The following MYH4 variants were observed in gnomAD, a reference collection of about 807,000 sequenced individuals.
The protein encoded by MYH4 is myosin heavy chain 4, also known as myosin-4.
MYH4 carries 200 observed loss-of-function variants against 229.9 expected under a neutral mutation model. The ratio of observed to expected loss-of-function variants is 0.87; its 90% confidence interval spans 0.78 to 0.98. The LOEUF (loss-of-function observed/expected upper bound fraction) is 0.98. Ranked by LOEUF, MYH4 falls within the 50% of genes least tolerant of loss-of-function variation. MYH4 has a pLI of 0.00. For missense variants in MYH4, 2,148 were observed against 2,332.6 expected, an observed-to-expected ratio of 0.92 and a Z score of 1.63; for synonymous variants, 761 against 834.6, an observed-to-expected ratio of 0.91 and a Z score of 1.52.
rs1353705470 is a variant in MYH4, at chr17:10,451,425, G to C, written c.3766C>G (p.Leu1256Val). 2 of 1,613,840 alleles carry C rather than the reference G, an allele frequency of 1.2e-6. No homozygotes were observed. Among genetic ancestry groups the C allele is most frequent in the South Asian group, 2.2e-5 (2 of 91,034 alleles). Reference sequence around the variant, plus strand: ...TTTATTTCACTAAGCTGGTCCTCTAGGGTGCGGCACATTTTCTCAAAGTTT... The same window carrying C: ...TTTATTTCACTAAGCTGGTCCTCTACGGTGCGGCACATTTTCTCAAAGTTT... ...KANFEKMCRT[L>V]EDQLSEIKTK... is the part of the protein sequence containing the mutation. The change falls in exon 28 of 40, where the codon CTA becomes GTA. Residue 1256 changes from leucine (L) to valine (V), a missense_variant. Coordinates refer to ENST00000255381, the MANE Select transcript of MYH4 (RefSeq NM_017533.2).
chr17:10,448,840 A>G (rs1344207038), intron 31 of MYH4, 24 bp downstream of exon 31: 1 of 1,613,174 alleles, frequency 6.2e-7, no homozygotes, highest in South Asian at 1.1e-5. Flanking sequence ...GTTTCCCCCA[A>G]GGGGAGCTGG....
chr17:10,466,611 C>T lies in MYH4; in HGVS notation c.135G>A (p.Glu45=). The T allele has an allele frequency of 1.2e-6, 2 of 1,614,078 alleles. No homozygotes were observed. The highest frequency in any genetic ancestry group is 1.7e-6 in the Non-Finnish European group (2 of 1,180,044). The change falls in exon 3 of 40, where the codon GAG becomes GAA. Residue 45 remains glutamate, a synonymous_variant. Coordinates refer to ENST00000255381, the MANE Select transcript of MYH4 (RefSeq NM_017533.2). ...KTSVFVVDPK[E]SYVKAIVQSR... ...TCTGCACTATTGCTTTCACGTAGGA[C>T]TCCTTAGGGTCCACCACAAAGACTG...
chr17:10,459,860 T>C (rs1167833351), intron 14 of MYH4, 92 bp downstream of exon 14: 45 of 1,603,486 alleles, frequency 2.8e-5, no homozygotes, highest in South Asian at 1.2e-4. Context: ...ATTACATTTG[T>C]ATATTTTGTA....
At chr17:10,447,741 C>A (rs1417868333) in intron 34 of MYH4, 77 bp downstream of exon 34, 8 of 1,364,874 alleles carry the variant, frequency 5.9e-6, no homozygotes, top group Middle Eastern at 2.6e-4. Flanking sequence ...GACACATAGT[C>A]CTCGTAAAAC....
At chr17:10,453,415 T>C in intron 23 of MYH4, 87 bp from the exon 24 acceptor site, 1 of 1,599,606 alleles carries the variant, frequency 6.3e-7, no homozygotes. Context: ...TAGGATAATG[T>C]CAGCGTAAGA....
Position 10,443,609 on chromosome 17 carries a change from C to T in MYH4, c.5668-82G>A. ...TTGCTTTTGTTACTTCAGGATTTGC[C>T]TCATGAATGAGAAAGAAAAAGGCTC... On this transcript the variant is annotated intron_variant, in intron 39 of 39. Transcript: ENST00000255381. This position sits in a 1 kb window ranked among gnomAD's most constrained non-coding sequence, Gnocchi z 4.6. 5.5e-6 allele frequency: 8 copies of T among 1,460,334 alleles called. No homozygotes were observed. Among genetic ancestry groups the T allele is most frequent in the South Asian group, 1.3e-5 (1 of 75,530 alleles). The allele number at this position is 1,460,334 out of a possible 1,614,324, so 90.5% of individuals were successfully genotyped here. A position where few individuals can be genotyped will look rare whatever the true frequency, so the allele number is the denominator to read the frequency against.
intron 30 of MYH4, among the ~76,000 whole-genome samples, chr17:10,449,291 A>T (rs976728957): frequency 2.0e-5 from 3 of 152,216 alleles, no homozygotes; most frequent in African/African-American, 7.2e-5. Context: ...TGTATGAGAG[A>T]AAGAGAATAT....
chr17:10,454,625 C>A lies in MYH4; in HGVS notation c.2621G>T (p.Arg874Met). 1 of 1,614,112 alleles carries A rather than the reference C, an allele frequency of 6.2e-7. No individual in the cohort carries two copies. The highest frequency in any genetic ancestry group is 8.5e-7 in the Non-Finnish European group (1 of 1,180,016). ...KEELAKTEAK[R>M]KELEEKMVTL... ...CACCATCTTTTCTTCTAGTTCTTTC[C>A]TTTTTGCCTCTGTCTTAGCCAGCTC... is the stretch of plus-strand genomic sequence containing the variant. Residue 874 changes from arginine (R) to methionine (M), a missense_variant, in exon 22 of 40, where the codon AGG becomes ATG. Coordinates refer to ENST00000255381, the MANE Select transcript of MYH4 (RefSeq NM_017533.2).
intron 12 of MYH4, 88 bp downstream of exon 12, chr17:10,460,828 G>A: frequency 7.0e-7 from 1 of 1,433,180 alleles, no homozygotes; most frequent in Non-Finnish European, 9.6e-7. Flanking sequence ...CACGAGCTAG[G>A]TCAGAGAAAG....
In MYH4 at chr17:10,466,316, A is replaced by C; in HGVS notation, c.305T>G (p.Val102Gly). 1 of 1,614,240 alleles carries C rather than the reference A, an allele frequency of 6.2e-7. No homozygotes were observed. The highest frequency in any genetic ancestry group is 8.5e-7 in the Non-Finnish European group (1 of 1,180,036). The stretch of plus-strand genomic sequence containing the variant: ...GTAACGCTCTTTGAGGTTATACAGC[A>C]CAGCAGGCTCATGCAGGTGAGTCAT... Reference protein sequence around the residue: ...AMMTHLHEPAVLYNLKERYAA... With the variant: ...AMMTHLHEPAGLYNLKERYAA... The change falls in exon 4 of 40, where the codon GTG (valine) becomes GGG (glycine). Residue 102 changes from valine to glycine, a missense_variant. Physicochemically the swap from Val to Gly is moderately radical, Grantham distance 109. Coordinates refer to ENST00000255381, the MANE Select transcript of MYH4 (RefSeq NM_017533.2).
chr17:10,468,834 C>A (rs139944058), intron 2 of MYH4, among the ~76,000 whole-genome samples: 5 of 152,270 alleles, frequency 3.3e-5, no homozygotes, highest in Admixed American at 6.5e-5. Context: ...AGTCCTGTTC[C>A]GCTAAATGCA....
Position 10,460,974 on chromosome 17 carries a change from C to T in MYH4, c.1089G>A (p.Gly363=), listed in dbSNP as rs778038969. 1.9e-6 allele frequency: 3 copies of T among 1,614,090 alleles called. No homozygotes were observed. In the Admixed American group the frequency reaches 5.0e-5, roughly 27 times the overall value. ...YKLTGAVMHY[G]NMKFKQKQRE... is the part of the protein sequence containing the mutation. ...TTTGCTTTTGCTTGAATTTCATGTT[C>T]CCATAATGCATCACGGCTCCAGTGA... Residue 363 remains glycine, a synonymous_variant, in exon 12 of 40, where the codon GGG becomes GGA. Transcript: ENST00000255381.
At position 10,447,993 on chromosome 17, in the gene MYH4, A is replaced by G. The variant is rs1567698645; in HGVS notation, c.4790T>C (p.Val1597Ala). ...CAGTGTACTCTGCATTGACTCCACA[A>G]CTCTGAGATGGTTCCTCTTTAGCTG... ...LDQLKRNHLR[V>A]VESMQSTLDA... is the part of the protein sequence containing the mutation. The change falls in exon 34 of 40, where the codon GTT becomes GCT. Residue 1597 changes from valine to alanine, a missense_variant. Physicochemically the swap from Val to Ala is moderately conservative, Grantham distance 64. Coordinates refer to ENST00000255381, the MANE Select transcript of MYH4 (RefSeq NM_017533.2). The G allele has an allele frequency of 1.2e-6, 2 of 1,613,498 alleles. No homozygotes were observed. The highest frequency in any genetic ancestry group is 1.7e-5 in the Admixed American group (1 of 59,946).
chr17:10,445,917 A>G (rs1454030887), intron 35 of MYH4, among the ~76,000 whole-genome samples: 1 of 148,934 alleles, frequency 6.7e-6, no homozygotes, highest in African/African-American at 2.5e-5. Context: ...AGTCCCAGCT[A>G]CTCGGGAGGC....
rs761867410 is a variant in MYH4, at chr17:10,463,397, T to A, written c.746A>T (p.Lys249Ile). ...VRNDNSSRFG[K>I]FIRIHFGATG... The stretch of plus-strand genomic sequence containing the variant: ...GGCACCAAAATGGATCCTGATGAAT[T>A]TACCCTTAAAAAAGAAAAGGAGGGA... Residue 249 changes from lysine (K) to isoleucine (I), a missense_variant, in exon 9 of 40, where the codon AAA becomes ATA. Transcript: ENST00000255381. 1 of 1,612,432 alleles carries A rather than the reference T, an allele frequency of 6.2e-7. No individual in the cohort carries two copies. Among genetic ancestry groups the A allele is most frequent in the Non-Finnish European group, 8.5e-7 (1 of 1,179,324 alleles).
intron 19 of MYH4, 47 bp downstream of exon 19, chr17:10,455,567 T>C (rs1248019466): frequency 1.9e-5 from 30 of 1,603,862 alleles, no homozygotes; most frequent in African/African-American, 4.0e-5. Flanking sequence ...ATATAGTGAT[T>C]TTGTGTAGAC....
At chr17:10,454,167 G>A (rs1020807163) in intron 22 of MYH4, among the ~76,000 whole-genome samples, 6 of 152,180 alleles carry the variant, frequency 3.9e-5, no homozygotes, top group African/African-American at 1.4e-4. Context: ...TGGAAAAATC[G>A]CTTGTTCATT....
At position 10,443,541 on chromosome 17, in the gene MYH4, T is replaced by C; in HGVS notation, c.5668-14A>G. 2 of 1,600,100 alleles carry C rather than the reference T, an allele frequency of 1.2e-6. No homozygotes were observed. The highest frequency in any genetic ancestry group is 1.7e-6 in the Non-Finnish European group (2 of 1,171,798). On this transcript the variant is annotated splice_polypyrimidine_tract_variant and intron_variant, in intron 39 of 39. Transcript: ENST00000255381. This position sits in a 1 kb window ranked among gnomAD's most constrained non-coding sequence, Gnocchi z 4.6. The stretch of plus-strand genomic sequence containing the variant: ...GGATTGTTCCTCCTGAGAACAGAGA[T>C]GCATTTGAGATAACAAGAAAATTGG...
At chr17:10,464,365 T>C (rs749342234) in intron 7 of MYH4, 107 bp downstream of exon 7, 8 of 928,590 alleles carry the variant, frequency 8.6e-6, no homozygotes, top group Non-Finnish European at 1.1e-5. Flanking sequence ...TGCATAGTAT[T>C]CCATGGTGTA....
Sources: allele counts gnomAD v4.1 joint callset (sites outside exome capture counted in the v4.1 genomes callset), GRCh38; gene constraint gnomAD v4.1.1; non-coding constraint Gnocchi (gnomAD v3.1); transcripts MANE v1.5; gene names NCBI Gene and HGNC (gene_info 2026-07-23, HGNC 2026-07-21).